The following KIAA1217 variants were observed in gnomAD, a reference collection of about 807,000 sequenced individuals.
KIAA1217 encodes sickle tail protein homolog.
KIAA1217 carries 88 observed loss-of-function variants against 163.9 expected under a neutral mutation model. That is an observed-to-expected ratio of 0.54 (90% confidence interval 0.45 to 0.64). The LOEUF is 0.64. Ranked by LOEUF, KIAA1217 falls within the 30% of genes least tolerant of loss-of-function variation. The pLI, the probability that KIAA1217 is intolerant of heterozygous loss-of-function variation, is 0.00. For synonymous variants in KIAA1217, 903 were observed against 923.1 expected (o/e 0.98, Z 0.39); for missense variants, 2,372 against 2,475.0 (o/e 0.96, Z 0.88).
chr10:24,018,787 C>T (rs1045651197), intron 2 of KIAA1217, among the ~76,000 whole-genome samples: 26 of 151,962 alleles, frequency 1.7e-4, no homozygotes, highest in African/African-American at 6.3e-4. Flanking sequence ...TTCACCATAG[C>T]CATAGCCATG....
intron 1 of KIAA1217, among the ~76,000 whole-genome samples, chr10:24,215,943 G>T (rs2068759604): frequency 6.6e-6 from 1 of 152,222 alleles, no homozygotes; most frequent in Non-Finnish European, 1.5e-5. Flanking sequence ...TGTTTGCCAA[G>T]TGGCTGCATT....
chr10:23,943,394 G>C (rs1843865790), intron 1 of KIAA1217, among the ~76,000 whole-genome samples: 1 of 152,124 alleles, frequency 6.6e-6, no homozygotes, highest in African/African-American at 2.4e-5. Context: ...ATAAAAAGTA[G>C]CTAAGAATAA....
At chr10:24,237,816 C>T (rs911987795) in intron 2 of KIAA1217, among the ~76,000 whole-genome samples, 1 of 152,162 alleles carries the variant, frequency 6.6e-6, no homozygotes, top group African/African-American at 2.4e-5. Context: ...GTCTTGCCTC[C>T]GAGGAGTGCT....
At chr10:24,139,328 C>T (rs767299157) in intron 2 of KIAA1217, among the ~76,000 whole-genome samples, 12 of 151,942 alleles carry the variant, frequency 7.9e-5, no homozygotes, top group Non-Finnish European at 1.8e-4. Context: ...AAACAATTTA[C>T]TTTTGTCCAT....
At chr10:24,039,855 C>T (rs7923089) in intron 2 of KIAA1217, among the ~76,000 whole-genome samples, 2,962 of 148,696 alleles carry the variant, frequency 0.02, 90 homozygotes, top group African/African-American at 0.07. Flanking sequence ...TATAATCTCC[C>T]ACTGGCTCTG....
At chr10:24,045,669 A>G (rs1589286437) in intron 2 of KIAA1217, among the ~76,000 whole-genome samples, 1 of 152,282 alleles carries the variant, frequency 6.6e-6, no homozygotes, top group East Asian at 1.9e-4. Context: ...GGGGACCAAA[A>G]CACATGGCAT....
intron 1 of KIAA1217, among the ~76,000 whole-genome samples, chr10:23,790,704 CATAT>C (rs140845530): frequency 1.7e-4 from 21 of 125,368 alleles, no homozygotes; most frequent in Non-Finnish European, 2.7e-4. Flanking sequence ...TATACACACA[CATAT>C]ATATATGTAT....
chr10:23,933,850 G>A (rs1564544642), intron 1 of KIAA1217, among the ~76,000 whole-genome samples: 2 of 152,078 alleles, frequency 1.3e-5, no homozygotes, highest in Non-Finnish European at 2.9e-5. Flanking sequence ...ACCATCTCAT[G>A]CCAGTCAGAA....
chr10:24,083,049 A>G (rs555284615), intron 2 of KIAA1217, among the ~76,000 whole-genome samples: 2 of 152,114 alleles, frequency 1.3e-5, no homozygotes, highest in Admixed American at 1.3e-4. Context: ...TCTTTTTTTG[A>G]TAAGTGGCTT....
At chr10:23,824,656 A>ATTATATATAT (rs1564453885) in intron 1 of KIAA1217, among the ~76,000 whole-genome samples, 2 of 82,318 alleles carry the variant, frequency 2.4e-5, no homozygotes, top group African/African-American at 1.1e-4. Context: ...AAAAATAAAA[A>ATTATATATAT]AAATATATAT....
chr10:24,359,990 AC>A (rs1448286190), intron 2 of KIAA1217, among the ~76,000 whole-genome samples: 1 of 147,624 alleles, frequency 6.8e-6, no homozygotes, highest in Non-Finnish European at 1.5e-5. Flanking sequence ...ATCAGAAATT[AC>A]TTTGCTCCCC....
chr10:23,905,387 G>A (rs1842119041), intron 1 of KIAA1217, among the ~76,000 whole-genome samples: 1 of 152,002 alleles, frequency 6.6e-6, no homozygotes, highest in Admixed American at 6.6e-5. Context: ...CGAGGAGCCT[G>A]GAGATGAAGG....
intron 1 of KIAA1217, among the ~76,000 whole-genome samples, chr10:23,726,018 C>CA (rs11422310): frequency 0.22 from 33,355 of 151,960 alleles, 3,903 homozygotes; most frequent in African/African-American, 0.29. Flanking sequence ...TTTCCTCACT[C>CA]AAAAAGGGAC....
chr10:24,094,964 G>T (rs2062091436), intron 2 of KIAA1217, among the ~76,000 whole-genome samples: 1 of 152,186 alleles, frequency 6.6e-6, no homozygotes, highest in South Asian at 2.1e-4. Flanking sequence ...CAGCCTGGCT[G>T]CCGCCTTGCA....
intron 1 of KIAA1217, among the ~76,000 whole-genome samples, chr10:23,978,394 C>T (rs1845628377): frequency 6.6e-6 from 1 of 152,114 alleles, no homozygotes; most frequent in Non-Finnish European, 1.5e-5. Context: ...ATTTCTGTGA[C>T]TAGGAAACAA....
chr10:24,030,562 C>T (rs543424824), intron 2 of KIAA1217, among the ~76,000 whole-genome samples: 13 of 152,192 alleles, frequency 8.5e-5, no homozygotes, highest in African/African-American at 2.9e-4. Flanking sequence ...TTCTTTGTAG[C>T]GGTGTGAAAA....
At chr10:24,123,146 G>A (rs1172432374) in intron 2 of KIAA1217, among the ~76,000 whole-genome samples, 1 of 151,648 alleles carries the variant, frequency 6.6e-6, no homozygotes, top group Admixed American at 6.6e-5. Flanking sequence ...GTGTGTGTGT[G>A]TGTGTGTGTG....
At chr10:23,800,298 A>C (rs1452747331) in intron 1 of KIAA1217, among the ~76,000 whole-genome samples, 1 of 152,236 alleles carries the variant, frequency 6.6e-6, no homozygotes, top group African/African-American at 2.4e-5. Flanking sequence ...AATTACAATA[A>C]GATTAAATAA....
At chr10:24,093,063 G>A (rs1278349910) in intron 2 of KIAA1217, among the ~76,000 whole-genome samples, 3 of 151,424 alleles carry the variant, frequency 2.0e-5, no homozygotes, top group South Asian at 2.1e-4. Flanking sequence ...GCATGATCTC[G>A]ACTCACTGCA....
Sources: gnomAD v4.1 joint callset for allele counts (sites outside exome capture counted in the v4.1 genomes callset) on GRCh38, gnomAD v4.1.1 for gene constraint, MANE v1.5 for transcripts, NCBI Gene and HGNC (gene_info 2026-07-23, HGNC 2026-07-21) for gene names.